The following RIN2 variants were observed in gnomAD, a reference collection of about 807,000 sequenced individuals.
The protein encoded by RIN2 is Ras and Rab interactor 2.
RIN2 carries 36 observed loss-of-function variants against 78.0 expected under a neutral mutation model. The ratio of observed to expected loss-of-function variants is 0.46; its 90% CI spans 0.35 to 0.61. The LOEUF is 0.61. RIN2 is among the 20% of genes least tolerant of loss of function. The pLI is 0.00. For missense variants in RIN2, 1,087 were observed against 1,159.7 expected (o/e 0.94, Z 0.91); for synonymous variants, 466 against 466.8 (o/e 1.00, Z 0.02).
chr20:19,935,120 G>A lies in RIN2; in HGVS notation c.79G>A (p.Glu27Lys). 1 of 1,601,196 alleles carries A rather than the reference G, an allele frequency of 6.2e-7. No individual in the cohort carries two copies. The highest frequency in any genetic ancestry group is 8.5e-7 in the Non-Finnish European group (1 of 1,173,924). ...ATAGCTCATTGACACAATTGCCTCG[G>A]AGATCGGAGAACTGAAACAGGAGAT... ...FFKLIDTIAS[E>K]IGELKQEMVR... The change falls in exon 4 of 13, where the codon GAG becomes AAG. Residue 27 changes from glutamate to lysine, a missense_variant. Transcript: ENST00000255006.
chr20:19,978,925 A>G (rs1293970218), intron 9 of RIN2, among the ~76,000 whole-genome samples: 1 of 152,212 alleles, frequency 6.6e-6, no homozygotes, highest in South Asian at 2.1e-4. Flanking sequence ...TGCGCTCATT[A>G]CTGATGACCC....
intron 2 of RIN2, among the ~76,000 whole-genome samples, chr20:19,815,016 A>T (rs2035719814): frequency 6.6e-6 from 1 of 152,230 alleles, no homozygotes; most frequent in South Asian, 2.1e-4. Context: ...TATCCATTTA[A>T]GCACCAACAA....
chr20:19,837,704 A>G (rs138107330), intron 2 of RIN2, among the ~76,000 whole-genome samples: 123 of 152,166 alleles, frequency 8.1e-4, no homozygotes, highest in Middle Eastern at 3.4e-3. Flanking sequence ...TATTTTTAAT[A>G]TAATTAAATT....
chr20:19,773,910 T>C (rs1488297276), intron 1 of RIN2, among the ~76,000 whole-genome samples: 1 of 148,492 alleles, frequency 6.7e-6, no homozygotes, highest in South Asian at 2.1e-4. Context: ...TTATAAAATA[T>C]TATATATATA....
chr20:19,838,688 A>C (rs1008989397), intron 2 of RIN2, among the ~76,000 whole-genome samples: 1 of 152,174 alleles, frequency 6.6e-6, no homozygotes, highest in South Asian at 2.1e-4. Flanking sequence ...CATACTCCCA[A>C]CTGTGGTGAA....
intron 3 of RIN2, among the ~76,000 whole-genome samples, chr20:19,929,288 G>C (rs1292031551): frequency 6.6e-6 from 1 of 152,166 alleles, no homozygotes; most frequent in Non-Finnish European, 1.5e-5. Context: ...GTGTAAGTGG[G>C]TCTGGAGAAA....
intron 4 of RIN2, among the ~76,000 whole-genome samples, chr20:19,938,079 C>T (rs2040720051): frequency 6.6e-6 from 1 of 152,212 alleles, no homozygotes; most frequent in Non-Finnish European, 1.5e-5. Flanking sequence ...TGGGACCCCA[C>T]ACCTCCCTGG....
At chr20:19,841,868 C>G (rs1485381632) in intron 2 of RIN2, among the ~76,000 whole-genome samples, 1 of 152,238 alleles carries the variant, frequency 6.6e-6, no homozygotes, top group Admixed American at 6.5e-5. Context: ...GAATCTGCAG[C>G]AAGCTGTCCA....
intron 3 of RIN2, among the ~76,000 whole-genome samples, chr20:19,904,760 T>G (rs1366058297): frequency 6.6e-6 from 1 of 152,164 alleles, no homozygotes; most frequent in Non-Finnish European, 1.5e-5. Flanking sequence ...GTGCCACCTA[T>G]GTGCCACCCT....
Position 20,001,419 on chromosome 20 carries a change from A to G in RIN2, c.*483A>G, listed in dbSNP as rs1048121589. The G allele has an allele frequency of 1.8e-5, 2 of 112,444 alleles. No individual in the cohort carries two copies. Among genetic ancestry groups the G allele is most frequent in the East Asian group, 7.2e-4 (2 of 2,782 alleles). 7.0% of individuals were successfully genotyped at this position (112,444 alleles called of 1,614,324 possible). Reference sequence around the variant, plus strand: ...GAGCCTTCATGTTTTTATATATTTCATAGAAATTTTTATAGCAGTTGCAGG... The same window carrying G: ...GAGCCTTCATGTTTTTATATATTTCGTAGAAATTTTTATAGCAGTTGCAGG... On this transcript the variant is annotated 3_prime_UTR_variant, in exon 13 of 13. Transcript: ENST00000255006.
At chr20:19,853,795 G>A (rs1363813991) in intron 2 of RIN2, among the ~76,000 whole-genome samples, 7 of 152,142 alleles carry the variant, frequency 4.6e-5, no homozygotes, top group African/African-American at 1.4e-4. Context: ...TGTCAGATGA[G>A]TAGATTGCAA....
At chr20:19,805,310 C>T (rs890584347) in intron 2 of RIN2, among the ~76,000 whole-genome samples, 1 of 152,144 alleles carries the variant, frequency 6.6e-6, no homozygotes, top group African/African-American at 2.4e-5. Context: ...GGGCTCAATC[C>T]CACCATCACT....
intron 4 of RIN2, among the ~76,000 whole-genome samples, chr20:19,945,207 T>TAGG (rs2041040448): frequency 6.6e-6 from 1 of 152,198 alleles, no homozygotes; most frequent in Admixed American, 6.5e-5. Flanking sequence ...CAAGTCTGAC[T>TAGG]TGGAGTCCTC....
intron 3 of RIN2, among the ~76,000 whole-genome samples, chr20:19,898,666 G>GTA (rs2038847053): frequency 6.6e-6 from 1 of 152,192 alleles, no homozygotes; most frequent in African/African-American, 2.4e-5. Flanking sequence ...TTACAGAACA[G>GTA]AAATCTGCAG....
At chr20:19,788,516 C>T (rs1253098213) in intron 1 of RIN2, among the ~76,000 whole-genome samples, 1 of 148,642 alleles carries the variant, frequency 6.7e-6, no homozygotes, top group Non-Finnish European at 1.5e-5. Flanking sequence ...GCAGGAGAAT[C>T]ACCTGATCCC....
chr20:19,784,935 G>A (rs7274880), intron 1 of RIN2, among the ~76,000 whole-genome samples: 4,586 of 152,218 alleles, frequency 0.03, 212 homozygotes, highest in African/African-American at 0.1. Flanking sequence ...TGGAGACTTG[G>A]TGATATCCAG....
chr20:19,827,641 C>G (rs776973332), intron 2 of RIN2, among the ~76,000 whole-genome samples: 1 of 152,086 alleles, frequency 6.6e-6, no homozygotes, highest in Non-Finnish European at 1.5e-5. Context: ...AAGAAAATGC[C>G]TATAGAAGAT....
rs1568807063 is a variant in RIN2 at position 19,844,606 on chromosome 20, CTTCTTCT to C, written c.-37+44861_-37+44867del. The stretch of plus-strand genomic sequence containing the variant: ...GCTGCTGCTGCTGCTTCTTCCTCTT[CTTCTTCT>C]TCTTCTTCTTCTTCTTCTTCTTCTT... On this transcript the variant is annotated intron_variant, in intron 2 of 12. Transcript: ENST00000255006. Among the ~76,000 whole-genome samples, 392 of 49,076 alleles carry C rather than the reference CTTCTTCT, an allele frequency of 8.0e-3. 4 individuals are homozygous for C. Among genetic ancestry groups the C allele is most frequent in the Middle Eastern group, 0.042 (5 of 120 alleles). 32.2% of individuals were successfully genotyped at this position (49,076 alleles called of 152,430 possible).
intron 9 of RIN2, among the ~76,000 whole-genome samples, chr20:19,976,991 G>A (rs937037578): frequency 1.3e-5 from 2 of 152,316 alleles, no homozygotes; most frequent in East Asian, 3.9e-4. Flanking sequence ...CTGGGGTGTT[G>A]CTGGAGTGAG....
Sources: allele counts gnomAD v4.1 joint callset (sites outside exome capture counted in the v4.1 genomes callset), GRCh38; gene constraint gnomAD v4.1.1; transcripts MANE v1.5; gene names NCBI Gene and HGNC (gene_info 2026-07-23, HGNC 2026-07-21).